Variants in GULP1 observed in about 807,000 individuals in gnomAD.
GULP1 encodes the protein GULP PTB domain containing engulfment adaptor 1.
GULP1 carries 19 observed loss-of-function variants against 40.9 expected under a neutral mutation model. That is an observed-to-expected ratio of 0.46 (90% CI 0.32 to 0.68). GULP1 has a LOEUF of 0.68. Ranked by LOEUF, GULP1 falls within the 30% of genes least tolerant of loss-of-function variation. The probability of loss-of-function intolerance (pLI) is 0.03; values close to 1 mark genes in which losing one functional copy is unlikely to be tolerated. For missense variants in GULP1, 312 were observed against 362.2 expected (o/e 0.86, Z 1.12); for synonymous variants, 119 against 117.6 (o/e 1.01, Z -0.08).
At chr2:188,390,377 T>G (rs570629695) in intron 2 of GULP1, among the ~76,000 whole-genome samples, 1 of 152,286 alleles carries the variant, frequency 6.6e-6, no homozygotes, top group East Asian at 1.9e-4. Flanking sequence ...ATGTTGAGCA[T>G]TTTTTCAAAT....
chr2:188,489,330 G>C (rs1010132898), intron 4 of GULP1, among the ~76,000 whole-genome samples: 4 of 151,962 alleles, frequency 2.6e-5, no homozygotes, highest in Non-Finnish European at 4.4e-5. Context: ...ATAAGCACTT[G>C]CCAGTTTTGC....
At chr2:188,394,695 C>T (rs1377993133) in intron 2 of GULP1, among the ~76,000 whole-genome samples, 1 of 152,052 alleles carries the variant, frequency 6.6e-6, no homozygotes, top group East Asian at 1.9e-4. Flanking sequence ...TTTGATTTGA[C>T]TTTTTAAAAA....
At chr2:188,510,681 T>A (rs1053732148) in intron 4 of GULP1, among the ~76,000 whole-genome samples, 1 of 151,986 alleles carries the variant, frequency 6.6e-6, no homozygotes, top group Non-Finnish European at 1.5e-5. Context: ...TGTGTAGATA[T>A]CCTAAAAATC....
Position 188,594,893 on chromosome 2 carries a change from T to G in GULP1, c.*882T>G, listed in dbSNP as rs1274464621. On this transcript the variant is annotated 3_prime_UTR_variant, in exon 12 of 12. Transcript: ENST00000409830. ...TCTCCTCACTGCATAAGGACTACTC[T>G]TCTCATATTTTCTTCTTTGATGAAG... 1.3e-5 allele frequency: 2 copies of G among 151,740 alleles called. No individual in the cohort carries two copies. The highest frequency in any genetic ancestry group is 6.6e-5 in the Admixed American group (1 of 15,176). The allele number at this position is 151,740 out of a possible 1,614,324, so 9.4% of individuals were successfully genotyped here. A position where few individuals can be genotyped will look rare whatever the true frequency, so the allele number is the denominator to read the frequency against.
chr2:188,547,006 G>A (rs1692135801), intron 7 of GULP1, among the ~76,000 whole-genome samples: 1 of 151,834 alleles, frequency 6.6e-6, no homozygotes, highest in Admixed American at 6.6e-5. Context: ...TTATTAAATA[G>A]ATTATTTTAA....
chr2:188,391,967 A>G (rs2050586498), intron 2 of GULP1, among the ~76,000 whole-genome samples: 1 of 151,982 alleles, frequency 6.6e-6, no homozygotes, highest in Non-Finnish European at 1.5e-5. Flanking sequence ...AACCCACTAG[A>G]TCATGCTGTA....
At chr2:188,591,568 T>C (rs1333880766) in intron 11 of GULP1, 1 of 151,872 alleles carries the variant, frequency 6.6e-6, no homozygotes, top group East Asian at 1.9e-4. Context: ...GAAACAATCA[T>C]AAAAATTAAT....
chr2:188,468,889 A>T (rs1442818331), intron 2 of GULP1, among the ~76,000 whole-genome samples: 2 of 152,176 alleles, frequency 1.3e-5, no homozygotes, highest in East Asian at 3.9e-4. Flanking sequence ...AGTGTCTCAA[A>T]GGGTAAGCAG....
chr2:188,325,455 G>A (rs1472433222), intron 1 of GULP1, among the ~76,000 whole-genome samples: 1 of 151,994 alleles, frequency 6.6e-6, no homozygotes, highest in African/African-American at 2.4e-5. Flanking sequence ...TGTTGTTTCT[G>A]TCAGAAAAAA....
chr2:188,558,671 G>T (rs555286424), intron 7 of GULP1, among the ~76,000 whole-genome samples: 158 of 152,314 alleles, frequency 1.0e-3, no homozygotes, highest in African/African-American at 3.7e-3. Flanking sequence ...CTGGAGACTT[G>T]TTGAATGGCT....
chr2:188,341,827 C>G (rs2043010366), intron 1 of GULP1, among the ~76,000 whole-genome samples: 2 of 151,904 alleles, frequency 1.3e-5, no homozygotes, highest in African/African-American at 2.4e-5. Context: ...AATACTTTGC[C>G]TAAAGTCATA....
intron 2 of GULP1, among the ~76,000 whole-genome samples, chr2:188,406,086 A>G (rs767615843): frequency 6.6e-6 from 1 of 152,216 alleles, no homozygotes; most frequent in Non-Finnish European, 1.5e-5. Context: ...CATAGGGTGT[A>G]CTTATGCAAA....
intron 2 of GULP1, among the ~76,000 whole-genome samples, chr2:188,461,088 A>C (rs940978503): frequency 6.6e-6 from 1 of 152,102 alleles, no homozygotes; most frequent in African/African-American, 2.4e-5. Flanking sequence ...ATATTGGCCT[A>C]TAGTTTTTTA....
At chr2:188,362,330 C>T (rs1186599435) in intron 1 of GULP1, among the ~76,000 whole-genome samples, 1 of 152,038 alleles carries the variant, frequency 6.6e-6, no homozygotes, top group East Asian at 1.9e-4. Flanking sequence ...TCCTATGGAA[C>T]CATTTTGAGT....
Position 188,477,695 on chromosome 2 carries a change from T to A in GULP1, c.-8T>A. ...TGGAACTGAACATTTATTTGGCTGATCCTCATCATGAACCGTGCTTTTAGC... is the reference window on the plus strand; with the variant it reads ...TGGAACTGAACATTTATTTGGCTGAACCTCATCATGAACCGTGCTTTTAGC... On this transcript the variant is annotated 5_prime_UTR_variant, in exon 3 of 12. Transcript: ENST00000409830. 1 of 1,595,636 alleles carries A rather than the reference T, an allele frequency of 6.3e-7. No individual in the cohort carries two copies. Among genetic ancestry groups the A allele is most frequent in the East Asian group, 2.3e-5 (1 of 43,970 alleles).
intron 7 of GULP1, among the ~76,000 whole-genome samples, chr2:188,548,884 G>A (rs1435992397): frequency 6.7e-6 from 1 of 149,296 alleles, no homozygotes; most frequent in East Asian, 1.9e-4. Flanking sequence ...AGACAGTGCT[G>A]GTGCAATTGG....
intron 2 of GULP1, among the ~76,000 whole-genome samples, chr2:188,389,401 A>G (rs1435446191): frequency 6.6e-6 from 1 of 152,204 alleles, no homozygotes; most frequent in Non-Finnish European, 1.5e-5. Flanking sequence ...AAACAAAACA[A>G]AAATATAAAT....
intron 1 of GULP1, among the ~76,000 whole-genome samples, chr2:188,317,001 A>G (rs2039183954): frequency 6.6e-6 from 1 of 152,136 alleles, no homozygotes; most frequent in Non-Finnish European, 1.5e-5. Context: ...GAAAGATGCA[A>G]ATGTTAGATA....
At chr2:188,329,859 A>G (rs2041316660) in intron 1 of GULP1, among the ~76,000 whole-genome samples, 1 of 152,058 alleles carries the variant, frequency 6.6e-6, no homozygotes, top group African/African-American at 2.4e-5. Context: ...TAAGAGAGGA[A>G]TCTAGAATTA....
Sources: allele counts gnomAD v4.1 joint callset (sites outside exome capture counted in the v4.1 genomes callset), GRCh38; gene constraint gnomAD v4.1.1; transcripts MANE v1.5; gene names NCBI Gene and HGNC (gene_info 2026-07-23, HGNC 2026-07-21).